FAM114A1: variants seen among roughly 807,000 people sequenced by gnomAD.
FAM114A1 encodes the protein family with sequence similarity 114 member A1.
A neutral mutation model predicts 64.3 loss-of-function variants in FAM114A1; 62 were observed. The observed-to-expected ratio is 0.96, with a 90% CI of 0.79 to 1.19. The LOEUF (loss-of-function observed/expected upper bound fraction) is 1.19, where lower values mean the gene tolerates loss of function less well. Among genes scored for constraint, FAM114A1 ranks in the 50% most tolerant of loss-of-function variants. The pLI, the probability that FAM114A1 is intolerant of heterozygous loss-of-function variation, is 0.00. For missense variants in FAM114A1, 645 were observed against 676.3 expected (o/e 0.95, Z 0.51); for synonymous variants, 254 against 251.1 (o/e 1.01, Z -0.11).
Position 38,931,592 on chromosome 4 carries a change from A to C in FAM114A1, c.1303A>C (p.Lys435Gln). Residue 435 changes from lysine to glutamine, a missense_variant, in exon 11 of 15, where the codon AAG becomes CAG. Lys to Gln is a moderately conservative substitution (Grantham distance 53). Coordinates refer to ENST00000358869, the MANE Select transcript of FAM114A1 (RefSeq NM_138389.4). ...CCCTCAAGAAGACAAAAAGGAGGAA[A>C]AGAAAACTAAGACCATAGAGGTAAA... is the stretch of plus-strand genomic sequence containing the variant. ...QDPQEDKKEE[K>Q]KTKTIEEVYM... 6.2e-7 allele frequency: 1 copy of C among 1,613,340 alleles called. No homozygotes were observed.
chr4:38,928,212 C>T (rs1720322922), intron 9 of FAM114A1, among the ~76,000 whole-genome samples: 1 of 152,208 alleles, frequency 6.6e-6, no homozygotes, highest in African/African-American at 2.4e-5. Context: ...CAAGGCTCTG[C>T]CTTCCCCCAC....
chr4:38,932,207 A>C lies in FAM114A1; in HGVS notation c.1324-28A>C, dbSNP rs575399963. On this transcript the variant is annotated intron_variant, in intron 11 of 14. Transcript: ENST00000358869. ...TAAAAAAGCATCTGCTCAGTAAAAAATTTCTTGCTTGTGTCTATTCATTTC... is the reference window on the plus strand; with the variant it reads ...TAAAAAAGCATCTGCTCAGTAAAAACTTTCTTGCTTGTGTCTATTCATTTC... 49 of 1,571,506 alleles carry C rather than the reference A, an allele frequency of 3.1e-5. No homozygotes were observed. The South Asian group carries it at 5.8e-4, about 19-fold the overall frequency.
intron 6 of FAM114A1, among the ~76,000 whole-genome samples, chr4:38,907,161 C>T (rs1718087974): frequency 6.6e-6 from 1 of 152,136 alleles, no homozygotes; most frequent in Admixed American, 6.5e-5. Context: ...ATTTGAGGAC[C>T]TCTAGACTGG....
chr4:38,894,569 G>A (rs922978359), intron 4 of FAM114A1, among the ~76,000 whole-genome samples: 9 of 152,180 alleles, frequency 5.9e-5, no homozygotes, highest in African/African-American at 1.9e-4. Context: ...ACAGTCCACT[G>A]GAACCAAATC....
chr4:38,906,460 A>G (rs1325065138), intron 6 of FAM114A1, among the ~76,000 whole-genome samples: 1 of 152,166 alleles, frequency 6.6e-6, no homozygotes, highest in Non-Finnish European at 1.5e-5. Context: ...GAATAATGAA[A>G]AAAGGGGAGG....
chr4:38,909,807 C>A (rs1430083261), intron 7 of FAM114A1, among the ~76,000 whole-genome samples: 2 of 152,134 alleles, frequency 1.3e-5, no homozygotes, highest in Non-Finnish European at 2.9e-5. Flanking sequence ...CATGGCAACC[C>A]CTAGAAGCTT....
intron 8 of FAM114A1, among the ~76,000 whole-genome samples, chr4:38,916,444 A>C (rs1451573050): frequency 6.6e-6 from 1 of 152,212 alleles, no homozygotes; most frequent in Non-Finnish European, 1.5e-5. Context: ...GTGGAGTAAT[A>C]TGTATGTGGC....
intron 6 of FAM114A1, among the ~76,000 whole-genome samples, chr4:38,906,869 C>T (rs1246402266): frequency 1.3e-5 from 2 of 152,122 alleles, no homozygotes; most frequent in East Asian, 1.9e-4. Context: ...AAATATGGCT[C>T]GTGTCTCATT....
intron 3 of FAM114A1, among the ~76,000 whole-genome samples, chr4:38,886,225 G>T (rs1280983592): frequency 1.3e-5 from 2 of 150,336 alleles, no homozygotes; most frequent in South Asian, 2.1e-4. Context: ...AGGCTGGAGT[G>T]CAGTGGCACG....
In FAM114A1 at chr4:38,943,534, A is replaced by G. The variant is rs762774922; in HGVS notation, c.1669A>G (p.Ser557Gly). The change falls in exon 15 of 15, where the codon AGT becomes GGT. Residue 557 changes from serine (S) to glycine (G), a missense_variant. By Grantham distance (56) the Ser-to-Gly change is moderately conservative. Coordinates refer to ENST00000358869, the MANE Select transcript of FAM114A1 (RefSeq NM_138389.4). ...PVLQVSHIQTSCLKAQP is the reference protein window; with the variant it reads ...PVLQVSHIQTGCLKAQP ...TCTGCAGGTCTCACATATCCAGACC[A>G]GTTGTTTGAAAGCACAGCCGTGACC... The G allele has an allele frequency of 1.2e-6, 2 of 1,614,028 alleles. No homozygotes were observed. The highest frequency in any genetic ancestry group is 8.5e-7 in the Non-Finnish European group (1 of 1,179,946).
Position 38,878,306 on chromosome 4 carries a change from C to T in FAM114A1, c.228C>T (p.Asn76=), listed in dbSNP as rs551041207. 56 of 1,614,258 alleles carry T rather than the reference C, an allele frequency of 3.5e-5. No homozygotes were observed. The South Asian group carries it at 4.6e-4, about 13-fold the overall frequency. ...CCCCTGTGCAGCCTCAGGATGCCAACGCCCTGGAGCCCCCTCTCAATGGAG... is the reference window on the plus strand; with the variant it reads ...CCCCTGTGCAGCCTCAGGATGCCAATGCCCTGGAGCCCCCTCTCAATGGAG... ...IGPPVQPQDA[N]ALEPPLNGDV... The change falls in exon 3 of 15, where the codon AAC becomes AAT. Residue 76 remains asparagine, a synonymous_variant. Coordinates refer to ENST00000358869, the MANE Select transcript of FAM114A1 (RefSeq NM_138389.4).
At chr4:38,931,386 G>T in intron 10 of FAM114A1, 65 bp from the exon 11 acceptor site, 1 of 1,522,342 alleles carries the variant, frequency 6.6e-7, no homozygotes, top group Non-Finnish European at 8.8e-7. Context: ...CTAGTCTTGG[G>T]GTTGGAATGA....
chr4:38,909,805 C>A (rs1344602604), intron 7 of FAM114A1, among the ~76,000 whole-genome samples: 2 of 152,188 alleles, frequency 1.3e-5, no homozygotes, highest in African/African-American at 4.8e-5. Flanking sequence ...TTCATGGCAA[C>A]CCCTAGAAGC....
At chr4:38,930,067 TAG>T (rs1235315964) in intron 10 of FAM114A1, among the ~76,000 whole-genome samples, 1 of 152,060 alleles carries the variant, frequency 6.6e-6, no homozygotes, top group Non-Finnish European at 1.5e-5. Context: ...CAGAATTAGG[TAG>T]AGAGAGGCAC....
chr4:38,931,495 G>T lies in FAM114A1; in HGVS notation c.1206G>T (p.Val402=), dbSNP rs772991650. 1.2e-5 allele frequency: 20 copies of T among 1,613,886 alleles called. No homozygotes were observed. Among genetic ancestry groups the T allele is most frequent in the Admixed American group, 1.0e-4 (6 of 59,974 alleles). ...AHDWVEEDQT[V]VSVDVAKVSE... ...ACTGGGTGGAAGAGGATCAAACCGTGGTGTCAGTAGATGTGGCAAAAGTGT... is the reference window on the plus strand; with the variant it reads ...ACTGGGTGGAAGAGGATCAAACCGTTGTGTCAGTAGATGTGGCAAAAGTGT... The change falls in exon 11 of 15, where the codon GTG becomes GTT. Residue 402 remains valine, a synonymous_variant. Transcript: ENST00000358869.
chr4:38,927,753 C>T (rs1340394950), intron 9 of FAM114A1, among the ~76,000 whole-genome samples: 2 of 152,234 alleles, frequency 1.3e-5, no homozygotes, highest in Non-Finnish European at 2.9e-5. Context: ...GCATGATCTC[C>T]GCTCACTGCA....
chr4:38,905,710 A>C (rs773250651), intron 5 of FAM114A1, 45 bp from the exon 6 acceptor site: 30 of 1,610,390 alleles, frequency 1.9e-5, no homozygotes, highest in Non-Finnish European at 2.5e-5. Context: ...TTCCAAGTTC[A>C]GATCAGCGAC....
intron 9 of FAM114A1, among the ~76,000 whole-genome samples, chr4:38,926,186 C>G (rs1355141051): frequency 1.3e-5 from 2 of 152,242 alleles, no homozygotes; most frequent in Non-Finnish European, 2.9e-5. Flanking sequence ...TGACTGGCCC[C>G]AGGCCACAGA....
chr4:38,907,520 A>G (rs1280639909), intron 6 of FAM114A1, among the ~76,000 whole-genome samples: 1 of 152,190 alleles, frequency 6.6e-6, no homozygotes, highest in Non-Finnish European at 1.5e-5. Context: ...GCAGGCACTA[A>G]GTCAAATTAC....
Sources: allele counts gnomAD v4.1 joint callset (sites outside exome capture counted in the v4.1 genomes callset), GRCh38; gene constraint gnomAD v4.1.1; transcripts MANE v1.5; gene names NCBI Gene and HGNC (gene_info 2026-07-23, HGNC 2026-07-21).